MLIP: variants seen among roughly 807,000 people sequenced by gnomAD.
MLIP encodes muscular LMNA interacting protein, also known as muscular LMNA-interacting protein.
A neutral mutation model predicts 84.8 loss-of-function variants in MLIP; 79 were observed. The ratio of observed to expected loss-of-function variants is 0.93; its 90% CI spans 0.78 to 1.12. The LOEUF is 1.12. MLIP is among the 50% of genes most tolerant of loss of function. The pLI, the probability that MLIP is intolerant of heterozygous loss-of-function variation, is 0.00. For synonymous variants in MLIP, 504 were observed against 463.0 expected, an observed-to-expected ratio of 1.09 and a Z score of -1.14; for missense variants, 1,257 against 1,160.6, an observed-to-expected ratio of 1.08 and a Z score of -1.21.
At chr6:54,110,830 C>G (rs533919013), upstream of MLIP, among the ~76,000 whole-genome samples, 12 of 152,292 alleles carry the variant, frequency 7.9e-5, no homozygotes, top group East Asian at 2.3e-3. Context: ...TCACTGTCTT[C>G]CAGGAACCTT....
Position 54,217,857 on chromosome 6 carries a change from C to T in MLIP, c.2719-12857C>T, listed in dbSNP as rs180885477. The T allele has an allele frequency of 1.0e-3, 991 of 985,114 alleles. 1 individual carries two copies. Among genetic ancestry groups the T allele is most frequent in the Non-Finnish European group, 1.1e-3 (932 of 829,740 alleles). 61.0% of individuals were successfully genotyped at this position (985,114 alleles called of 1,614,324 possible). ...AAGATTCATATATTGCATGCTAAAG[C>T]AGGATAGAGTGATGTTCATTTTCAA... On this transcript the variant is annotated intron_variant, in intron 11 of 13. Transcript: ENST00000502396.
chr6:54,194,124 C>G (rs1173215840), intron 10 of MLIP, among the ~76,000 whole-genome samples: 2 of 152,142 alleles, frequency 1.3e-5, no homozygotes, highest in African/African-American at 2.4e-5. Flanking sequence ...TACTGGAACA[C>G]TATTAAGAAG....
In MLIP at chr6:54,231,666, T is replaced by G. The variant is rs1005271405; in HGVS notation, c.2922+749T>G. Among the ~76,000 whole-genome samples, 8 of 152,324 alleles carry G rather than the reference T, an allele frequency of 5.3e-5. No homozygotes were observed. In the South Asian group the frequency reaches 1.7e-3, roughly 32 times the overall value. On this transcript the variant is annotated intron_variant, in intron 12 of 13. Transcript: ENST00000502396. ...TACAGATGCTCAGACCCTGAAAATTTCCTAAAATAATTAACTGGTTAAACT... is the reference window on the plus strand; with the variant it reads ...TACAGATGCTCAGACCCTGAAAATTGCCTAAAATAATTAACTGGTTAAACT...
At chr6:54,196,801 C>T (rs1360182249) in intron 10 of MLIP, among the ~76,000 whole-genome samples, 1 of 152,070 alleles carries the variant, frequency 6.6e-6, no homozygotes, top group Non-Finnish European at 1.5e-5. Flanking sequence ...ACAGAACTTA[C>T]ATTCTAGTTG....
At chr6:54,031,221 T>C (rs950809303) in intron 1 of MLIP, among the ~76,000 whole-genome samples, 10 of 151,868 alleles carry the variant, frequency 6.6e-5, no homozygotes, top group Non-Finnish European at 1.2e-4. Flanking sequence ...GTAATTTTTT[T>C]TTGTAAAAAA....
At chr6:54,123,664 T>C (rs1282454868) in intron 2 of MLIP, among the ~76,000 whole-genome samples, 1 of 152,232 alleles carries the variant, frequency 6.6e-6, no homozygotes, top group Non-Finnish European at 1.5e-5. Context: ...TTTGAAATAA[T>C]TTTAGCCTTA....
intron 13 of MLIP, among the ~76,000 whole-genome samples, chr6:54,263,934 C>A (rs946617454): frequency 1.3e-5 from 2 of 152,036 alleles, no homozygotes; most frequent in African/African-American, 4.8e-5. Flanking sequence ...TACATGTTCA[C>A]CTTTGTTATT....
At chr6:54,142,364 CT>C (rs1772390798) in intron 4 of MLIP, among the ~76,000 whole-genome samples, 1 of 152,118 alleles carries the variant, frequency 6.6e-6, no homozygotes, top group Non-Finnish European at 1.5e-5. Context: ...AAGTATATCC[CT>C]GATTCTCAAG....
chr6:54,251,427 T>C (rs1217776957), intron 12 of MLIP, among the ~76,000 whole-genome samples: 1 of 125,934 alleles, frequency 7.9e-6, no homozygotes, highest in Non-Finnish European at 1.6e-5. Context: ...ATCTCCAAAG[T>C]GAATGAAACA....
At chr6:54,221,145 C>T (rs1780191932) in intron 11 of MLIP, among the ~76,000 whole-genome samples, 1 of 152,026 alleles carries the variant, frequency 6.6e-6, no homozygotes, top group Admixed American at 6.6e-5. Flanking sequence ...AGCCTGGGCA[C>T]AGACAAGTTG....
intron 1 of MLIP, among the ~76,000 whole-genome samples, chr6:54,115,775 GAGA>G (rs1463745542): frequency 6.6e-6 from 1 of 152,110 alleles, no homozygotes; most frequent in Non-Finnish European, 1.5e-5. Context: ...TTAGACAAGA[GAGA>G]AGAATAGTCT....
At chr6:54,061,773 G>T (rs1014885572) in intron 1 of MLIP, among the ~76,000 whole-genome samples, 1 of 152,170 alleles carries the variant, frequency 6.6e-6, no homozygotes, top group African/African-American at 2.4e-5. Context: ...CAATGAAGAT[G>T]TAAAAGACTA....
chr6:54,027,945 G>A lies in MLIP; in HGVS notation c.63+8854G>A, dbSNP rs188379849. ...CAGTGACATATATAGCATACTGTAC[G>A]TGTGGCGAAATATTTTCTAGGTTCT... On this transcript the variant is annotated intron_variant, in intron 1 of 12. Transcript: ENST00000274897. Among the ~76,000 whole-genome samples the A allele has an allele frequency of 7.4e-4, 112 of 152,256 alleles. 1 individual carries two copies. The highest frequency in any genetic ancestry group is 2.4e-3 in the African/African-American group (99 of 41,544).
intron 11 of MLIP, among the ~76,000 whole-genome samples, chr6:54,220,752 AAAAC>A (rs1350574491): frequency 6.6e-6 from 1 of 152,204 alleles, no homozygotes; most frequent in Non-Finnish European, 1.5e-5. Flanking sequence ...TCTTAAGGGA[AAAAC>A]AAATAATAAA....
chr6:54,178,336 T>C (rs1448538867), intron 9 of MLIP, among the ~76,000 whole-genome samples: 4 of 152,110 alleles, frequency 2.6e-5, no homozygotes, highest in African/African-American at 7.2e-5. Context: ...TAAAGATTTG[T>C]CAATTTTCTT....
chr6:54,119,844 A>C (rs1487334371), intron 1 of MLIP, among the ~76,000 whole-genome samples: 2 of 152,140 alleles, frequency 1.3e-5, no homozygotes. Context: ...GGTTCTCATC[A>C]TCTTCCCACT....
chr6:54,206,723 TTCTA>T (rs1459301244), intron 11 of MLIP, among the ~76,000 whole-genome samples: 2 of 152,188 alleles, frequency 1.3e-5, no homozygotes, highest in Admixed American at 1.3e-4. Context: ...ACTTTCAGGT[TTCTA>T]TCTAATGATT....
At chr6:54,210,709 C>T (rs1287529238) in intron 11 of MLIP, among the ~76,000 whole-genome samples, 4 of 78,044 alleles carry the variant, frequency 5.1e-5, no homozygotes. Flanking sequence ...TGTGCATTTA[C>T]AATAAAGACT....
intron 11 of MLIP, among the ~76,000 whole-genome samples, chr6:54,219,622 T>C (rs10948802): frequency 0.023 from 3,496 of 152,302 alleles, 125 homozygotes; most frequent in African/African-American, 0.077. Flanking sequence ...TGCAAAGCCT[T>C]CAATATTTAC....
Sources: allele counts gnomAD v4.1 joint callset (sites outside exome capture counted in the v4.1 genomes callset), GRCh38; gene constraint gnomAD v4.1.1; transcripts MANE v1.5; gene names NCBI Gene and HGNC (gene_info 2026-07-23, HGNC 2026-07-21).